Variants in CCDC141 observed in about 807,000 individuals in gnomAD.
The protein encoded by CCDC141 is coiled-coil domain containing 141.
CCDC141 carries 168 observed loss-of-function variants against 181.0 expected under a neutral mutation model. The observed-to-expected ratio is 0.93, with a 90% CI of 0.82 to 1.05. The LOEUF (loss-of-function observed/expected upper bound fraction) is 1.05, where lower values mean the gene tolerates loss of function less well. CCDC141 is among the 50% of genes least tolerant of loss of function. The pLI, the probability that CCDC141 is intolerant of heterozygous loss-of-function variation, is 0.00. For synonymous variants in CCDC141, 666 were observed against 642.3 expected (o/e 1.04, Z -0.56); for missense variants, 1,902 against 1,788.5 (o/e 1.06, Z -1.14).
intron 2 of CCDC141, among the ~76,000 whole-genome samples, chr2:179,021,138 T>C (rs1575357166): frequency 6.6e-6 from 1 of 152,212 alleles, no homozygotes; most frequent in East Asian, 1.9e-4. Context: ...CTTCCTTTTA[T>C]AGGCATTTTA....
At position 178,969,777 on chromosome 2, in the gene CCDC141, C is replaced by A. The variant is rs537988602; in HGVS notation, c.526+5280G>T. 7.9e-5 allele frequency among the ~76,000 whole-genome samples: 12 copies of A among 152,286 alleles called. No homozygotes were observed. The South Asian group carries it at 2.3e-3, about 29-fold the overall frequency. On this transcript the variant is annotated intron_variant, in intron 4 of 23. Transcript: ENST00000443758. ...ATAGTATTGGAAGTTCTGGCCAGGG[C>A]AGTCAGGCAAGAGAAAGAAATAAAC...
chr2:178,920,935 A>G (rs1314201212), intron 6 of CCDC141, among the ~76,000 whole-genome samples: 2 of 152,196 alleles, frequency 1.3e-5, no homozygotes, highest in Non-Finnish European at 2.9e-5. Flanking sequence ...TATAACTATA[A>G]TCCTCAAAAA....
In CCDC141 at chr2:178,837,035, G is replaced by T. The variant is rs781737566; in HGVS notation, c.4184C>A (p.Thr1395Lys). 1 of 1,614,034 alleles carries T rather than the reference G, an allele frequency of 6.2e-7. No homozygotes were observed. Among genetic ancestry groups the T allele is most frequent in the East Asian group, 2.2e-5 (1 of 44,850 alleles). Residue 1395 changes from threonine to lysine, a missense_variant, in exon 23 of 24, where the codon ACA becomes AAA. Coordinates refer to ENST00000443758, the MANE Select transcript of CCDC141 (RefSeq NM_173648.4). ...GCTGACCACGCTGCTCTTTGCTGAT[G>T]TGCTTTTAATCTCTTCTCGAGGAAC... Reference protein sequence around the residue: ...QMVPREEIKSTSAKSSVVSLA... With the variant: ...QMVPREEIKSKSAKSSVVSLA...
chr2:179,035,733 G>A (rs1019514876), intron 2 of CCDC141, among the ~76,000 whole-genome samples: 11 of 152,142 alleles, frequency 7.2e-5, no homozygotes, highest in African/African-American at 2.7e-4. Flanking sequence ...GGTTCCCAGA[G>A]TTACAATTCC....
intron 1 of CCDC141, among the ~76,000 whole-genome samples, chr2:179,049,117 C>A (rs2043594533): frequency 6.6e-6 from 1 of 152,106 alleles, no homozygotes; most frequent in Non-Finnish European, 1.5e-5. Context: ...AGAATAAAAT[C>A]ATGGAGTTCT....
At chr2:178,966,528 C>T (rs1378712341) in intron 4 of CCDC141, among the ~76,000 whole-genome samples, 2 of 152,184 alleles carry the variant, frequency 1.3e-5, no homozygotes, top group Non-Finnish European at 2.9e-5. Context: ...GCAGAGGGGC[C>T]TGACTGTCAG....
chr2:179,003,966 A>G lies in CCDC141; in HGVS notation c.226-25291T>C, dbSNP rs150199609. On this transcript the variant is annotated intron_variant, in intron 2 of 23. Transcript: ENST00000443758. ...TTATTTTTTGTATATGAAAACAAAT[A>G]ATTGTATCACATATGCTGATGAGGT... Among the ~76,000 whole-genome samples the G allele has an allele frequency of 6.2e-3, 947 of 152,324 alleles. 9 individuals are homozygous for G. The highest frequency in any genetic ancestry group is 0.016 in the Admixed American group (244 of 15,300).
intron 5 of CCDC141, among the ~76,000 whole-genome samples, chr2:178,960,231 T>C (rs1025174766): frequency 2.6e-5 from 4 of 152,190 alleles, no homozygotes; most frequent in Non-Finnish European, 4.4e-5. Context: ...TCTTGTGGTC[T>C]AGCATATCCC....
rs916997827 is a variant in CCDC141 at position 178,831,368 on chromosome 2, T to C, written c.*2805A>G. On this transcript the variant is annotated 3_prime_UTR_variant, in exon 24 of 24. Transcript: ENST00000443758. ...AATTTGTTTAAGAGTTTAGAAGTTT[T>C]AAAACGTTTTCTGGTGAAAATCTTG... The C allele has an allele frequency of 3.9e-5, 6 of 152,218 alleles. No homozygotes were observed. Among genetic ancestry groups the C allele is most frequent in the African/African-American group, 1.4e-4 (6 of 41,456 alleles). The allele number at this position is 152,218 out of a possible 1,614,324, so 9.4% of individuals were successfully genotyped here.
chr2:178,985,706 A>G (rs1276208295), intron 2 of CCDC141, among the ~76,000 whole-genome samples: 2 of 152,240 alleles, frequency 1.3e-5, no homozygotes, highest in Admixed American at 6.5e-5. Flanking sequence ...CAAATAAACT[A>G]GAAAATCTAG....
Position 178,912,608 on chromosome 2 carries a change from C to T in CCDC141, c.1092+6105G>A, listed in dbSNP as rs536162685. Among the ~76,000 whole-genome samples, 65 of 152,248 alleles carry T rather than the reference C, an allele frequency of 4.3e-4. 1 individual carries two copies. Among genetic ancestry groups the T allele is most frequent in the African/African-American group, 1.5e-3 (63 of 41,540 alleles). On this transcript the variant is annotated intron_variant, in intron 7 of 23. Transcript: ENST00000443758. Reference sequence around the variant, plus strand: ...ACTCATCACTCTGTCATAGGGAGTACAGGAAGAGGGTAAATTAAGACATCA... The same window carrying T: ...ACTCATCACTCTGTCATAGGGAGTATAGGAAGAGGGTAAATTAAGACATCA...
intron 5 of CCDC141, among the ~76,000 whole-genome samples, chr2:178,959,473 A>G (rs1482344450): frequency 6.6e-6 from 1 of 152,136 alleles, no homozygotes; most frequent in Non-Finnish European, 1.5e-5. Flanking sequence ...CATGCTCAGA[A>G]GGACAAAGAA....
At chr2:178,826,758 T>G (rs1249024334), downstream of CCDC141, among the ~76,000 whole-genome samples, 4 of 152,096 alleles carry the variant, frequency 2.6e-5, no homozygotes, top group African/African-American at 9.6e-5. Flanking sequence ...TTCTCTCTTT[T>G]GGTTATCCTG....
intron 4 of CCDC141, among the ~76,000 whole-genome samples, chr2:178,969,909 T>C (rs1363956597): frequency 6.6e-6 from 1 of 152,214 alleles, no homozygotes; most frequent in Non-Finnish European, 1.5e-5. Context: ...CTTAAGCTGA[T>C]ATGCAACTTC....
intron 2 of CCDC141, among the ~76,000 whole-genome samples, chr2:178,979,074 T>G (rs59259347): frequency 0.035 from 5,379 of 152,294 alleles, 201 homozygotes; most frequent in East Asian, 0.13. Context: ...CTTAGTTTAT[T>G]GCAAATAATT....
At chr2:179,030,551 C>T (rs1294131047) in intron 2 of CCDC141, among the ~76,000 whole-genome samples, 1 of 152,028 alleles carries the variant, frequency 6.6e-6, no homozygotes, top group Non-Finnish European at 1.5e-5. Flanking sequence ...TGTAAACAGA[C>T]AATTCACCAT....
chr2:178,992,981 C>T (rs189492856), intron 2 of CCDC141, among the ~76,000 whole-genome samples: 1 of 152,282 alleles, frequency 6.6e-6, no homozygotes. Flanking sequence ...TCTGAAGCCT[C>T]CCCAGCCATG....
chr2:178,870,465 G>A (rs1293018687), intron 14 of CCDC141, among the ~76,000 whole-genome samples: 1 of 152,056 alleles, frequency 6.6e-6, no homozygotes, highest in East Asian at 1.9e-4. Flanking sequence ...CTGATTTAGA[G>A]GAACTTACAC....
intron 7 of CCDC141, 140 bp from the exon 8 acceptor site, chr2:178,905,641 G>A: frequency 1.2e-6 from 1 of 843,458 alleles, no homozygotes; most frequent in Non-Finnish European, 1.8e-6. Context: ...CTTAATCTTG[G>A]AAGATTGTTG....
Sources: allele counts gnomAD v4.1 joint callset (sites outside exome capture counted in the v4.1 genomes callset), GRCh38; gene constraint gnomAD v4.1.1; transcripts MANE v1.5; gene names NCBI Gene and HGNC (gene_info 2026-07-23, HGNC 2026-07-21).